RAP1GAP: variants seen among roughly 807,000 people sequenced by gnomAD.
RAP1GAP encodes the protein rap1 GTPase-activating protein 1.
Under a neutral mutation model 87.2 loss-of-function variants are expected in RAP1GAP, and 35 were observed. That is an observed-to-expected ratio of 0.40 (90% CI 0.31 to 0.53). The LOEUF (loss-of-function observed/expected upper bound fraction) is 0.53. Among genes scored for constraint, RAP1GAP ranks in the 20% least tolerant of loss-of-function variants. The pLI is 0.48. For synonymous variants in RAP1GAP, 375 were observed against 363.9 expected, an observed-to-expected ratio of 1.03 and a Z score of -0.35; for missense variants, 734 against 898.9, an observed-to-expected ratio of 0.82 and a Z score of 2.35.
intron 1 of RAP1GAP, among the ~76,000 whole-genome samples, chr1:21,660,339 C>CTATTTATATATATATATATATATATA (rs563814821): frequency 0.017 from 906 of 52,484 alleles, 68 homozygotes; most frequent in Admixed American, 0.071. Context: ...TCCAACTCAG[C>CTATTTATATATATATATATATATATA]TATATATATT....
chr1:21,609,480 A>C lies in RAP1GAP; in HGVS notation c.1071+95T>G, dbSNP rs1322325183. 1.4e-6 allele frequency: 1 copy of C among 704,156 alleles called. No individual in the cohort carries two copies. Among genetic ancestry groups the C allele is most frequent in the East Asian group, 3.0e-5 (1 of 33,194 alleles). The allele number at this position is 704,156 out of a possible 1,614,324, so 43.6% of individuals were successfully genotyped here. On this transcript the variant is annotated intron_variant, in intron 15 of 24. Transcript: ENST00000374765. The surrounding 1 kb of genome is among the most constrained non-coding windows in gnomAD (Gnocchi z 4.4). ...AGCCCAGCTGCCCTGGCATACAATG[A>C]GACTTTGGGACCTCATAAGGCAGAA...
In RAP1GAP at chr1:21,622,479, CCG is replaced by C. The variant is rs1288504092; in HGVS notation, c.-18-2431_-18-2430del. 6.2e-6 allele frequency: 1 copy of C among 160,776 alleles called. No individual in the cohort carries two copies. The highest frequency in any genetic ancestry group is 1.3e-5 in the Non-Finnish European group (1 of 75,786). 10.0% of individuals were successfully genotyped at this position (160,776 alleles called of 1,614,324 possible). On this transcript the variant is annotated intron_variant, in intron 3 of 24. Coordinates refer to ENST00000374765, the MANE Select transcript of RAP1GAP (RefSeq NM_002885.4). The surrounding 1 kb of genome is among the most constrained non-coding windows in gnomAD (Gnocchi z 5.7). Reference sequence around the variant, plus strand: ...TCAGCTGGCCCAGCCGGCTCCTGGCCCGCGCGCGCCCGGGTCCGGGCCCCGCA... The same window carrying C: ...TCAGCTGGCCCAGCCGGCTCCTGGCCCGCGCGCCCGGGTCCGGGCCCCGCA...
In RAP1GAP at chr1:21,613,284, G is replaced by C; in HGVS notation, c.475-55C>G. On this transcript the variant is annotated intron_variant, in intron 9 of 24. Coordinates refer to ENST00000374765, the MANE Select transcript of RAP1GAP (RefSeq NM_002885.4). The surrounding 1 kb of genome is among the most constrained non-coding windows in gnomAD (Gnocchi z 4.7). Reference sequence around the variant, plus strand: ...GGTGTGGGGCCAGGGAGGAGAGGATGGGGCTGCCTGGGCCTCCCTGGTCAA... The same window carrying C: ...GGTGTGGGGCCAGGGAGGAGAGGATCGGGCTGCCTGGGCCTCCCTGGTCAA... 4.2e-6 allele frequency: 6 copies of C among 1,431,580 alleles called. No individual in the cohort carries two copies. Among genetic ancestry groups the C allele is most frequent in the African/African-American group, 1.4e-5 (1 of 71,112 alleles). 88.7% of individuals were successfully genotyped at this position (1,431,580 alleles called of 1,614,324 possible).
chr1:21,607,991 CT>C (rs1448758766), intron 17 of RAP1GAP, among the ~76,000 whole-genome samples: 1 of 151,920 alleles, frequency 6.6e-6, no homozygotes, highest in Non-Finnish European at 1.5e-5. Flanking sequence ...CAGTCCGGGA[CT>C]TCGCCCCAGC....
Position 21,614,018 on chromosome 1 carries a change from G to A in RAP1GAP, c.363C>T (p.Ile121=), listed in dbSNP as rs373093872. The A allele has an allele frequency of 1.6e-5, 25 of 1,612,372 alleles. No individual in the cohort carries two copies. Among genetic ancestry groups the A allele is most frequent in the Middle Eastern group, 1.6e-4 (1 of 6,080 alleles). ...HLVFSLKYDV[I]GDQEHLRLLL... ...GCAGCCGCAGGTGCTCTTGGTCCCC[G>A]ATGACATCGTACTTGAGTGAGAAGA... The change falls in exon 8 of 25, where the codon ATC becomes ATT. Residue 121 remains isoleucine (I), a synonymous_variant. Transcript: ENST00000374765.
intron 2 of RAP1GAP, among the ~76,000 whole-genome samples, chr1:21,635,292 C>G (rs1293159658): frequency 2.0e-5 from 3 of 152,192 alleles, no homozygotes; most frequent in Non-Finnish European, 4.4e-5. Flanking sequence ...CCCTCCCCAG[C>G]CTCCGCAGCC....
In RAP1GAP at chr1:21,635,494, A is replaced by G. The variant is rs138041638; in HGVS notation, c.-112-9097T>C. Among the ~76,000 whole-genome samples, 67 of 152,312 alleles carry G rather than the reference A, an allele frequency of 4.4e-4. 1 individual carries two copies. Among genetic ancestry groups the G allele is most frequent in the African/African-American group, 1.6e-3 (67 of 41,564 alleles). On this transcript the variant is annotated intron_variant, in intron 2 of 24. Transcript: ENST00000374765. ...AGAGTGGGGTGAACCAGGCCTCCCC[A>G]GTCCCAAAGCAGAGCCCCAAAGATA...
At chr1:21,597,825 G>C in intron 23 of RAP1GAP, 97 bp from the exon 24 acceptor site, 1 of 1,543,282 alleles carries the variant, frequency 6.5e-7, no homozygotes, top group Non-Finnish European at 8.9e-7. Context: ...TGTCCAGGCC[G>C]GGCAAGCCCC....
chr1:21,653,582 T>C (rs528926847), intron 1 of RAP1GAP, among the ~76,000 whole-genome samples: 1 of 132,018 alleles, frequency 7.6e-6, no homozygotes, highest in African/African-American at 2.9e-5. Flanking sequence ...CTTCCTTCCT[T>C]CCTTCCTTCC....
At chr1:21,633,388 C>T (rs1558791559) in intron 2 of RAP1GAP, among the ~76,000 whole-genome samples, 1 of 152,220 alleles carries the variant, frequency 6.6e-6, no homozygotes, top group Non-Finnish European at 1.5e-5. Flanking sequence ...TCACAGGCAC[C>T]CCCCCTCTGC....
Position 21,603,956 on chromosome 1 carries a change from A to T in RAP1GAP, c.1429-1043T>A. On this transcript the variant is annotated intron_variant, in intron 18 of 24. Transcript: ENST00000374765. The surrounding 1 kb of genome is among the most constrained non-coding windows in gnomAD (Gnocchi z 6.0). ...CGGGGGCAGAGAGAGAGAGACAGAG[A>T]GAGAGTCAGAGAGCAAGAGAGATGG... 1 of 1,384,654 alleles carries T rather than the reference A, an allele frequency of 7.2e-7. No individual in the cohort carries two copies. The allele number at this position is 1,384,654 out of a possible 1,614,324, so 85.8% of individuals were successfully genotyped here.
chr1:21,648,001 C>A (rs911919739), intron 2 of RAP1GAP, among the ~76,000 whole-genome samples: 1 of 152,162 alleles, frequency 6.6e-6, no homozygotes, highest in Non-Finnish European at 1.5e-5. Flanking sequence ...GCCAGGAGAT[C>A]ATGATTAATG....
At chr1:21,651,640 G>A (rs2096572700) in intron 1 of RAP1GAP, 6 of 873,982 alleles carry the variant, frequency 6.9e-6, no homozygotes, top group Non-Finnish European at 1.1e-5. Flanking sequence ...CGCGCACTGA[G>A]GTCAAACGCT....
chr1:21,618,751 G>A (rs2084154332), intron 5 of RAP1GAP, among the ~76,000 whole-genome samples: 1 of 152,136 alleles, frequency 6.6e-6, no homozygotes, highest in Non-Finnish European at 1.5e-5. Flanking sequence ...GAGGCAGGGG[G>A]AGTCTGCAGC....
chr1:21,609,465 C>T lies in RAP1GAP; in HGVS notation c.1071+110G>A, dbSNP rs2076866140. 1.6e-6 allele frequency: 1 copy of T among 619,676 alleles called. No individual in the cohort carries two copies. The highest frequency in any genetic ancestry group is 1.9e-5 in the African/African-American group (1 of 53,030). 38.4% of individuals were successfully genotyped at this position (619,676 alleles called of 1,614,324 possible). A position where few individuals can be genotyped will look rare whatever the true frequency, so the allele number is the denominator to read the frequency against. On this transcript the variant is annotated intron_variant, in intron 15 of 24. Transcript: ENST00000374765. This position sits in a 1 kb window ranked among gnomAD's most constrained non-coding sequence, Gnocchi z 4.4. ...GGTTGCAGTTAGGGGAGCCCAGCTG[C>T]CCTGGCATACAATGAGACTTTGGGA...
Position 21,622,345 on chromosome 1 carries a change from G to C in RAP1GAP, c.-18-2295C>G, listed in dbSNP as rs2088709020. The C allele has an allele frequency of 4.2e-6, 2 of 475,580 alleles. No homozygotes were observed. Among genetic ancestry groups the C allele is most frequent in the East Asian group, 3.7e-5 (1 of 27,254 alleles). 29.5% of individuals were successfully genotyped at this position (475,580 alleles called of 1,614,324 possible). A position where few individuals can be genotyped will look rare whatever the true frequency, so the allele number is the denominator to read the frequency against. ...GCCCCGCCCGGGTCCTCACCTGCCA[G>C]CTGGCCCCCGCGGGCAGCGAGCCCC... On this transcript the variant is annotated intron_variant, in intron 3 of 24. Transcript: ENST00000374765. The surrounding 1 kb of genome is among the most constrained non-coding windows in gnomAD (Gnocchi z 5.7).
intron 1 of RAP1GAP, among the ~76,000 whole-genome samples, chr1:21,656,443 A>AC (rs2096868055): frequency 7.4e-6 from 1 of 134,556 alleles, no homozygotes; most frequent in African/African-American, 2.8e-5. Context: ...AAAAAAAAAA[A>AC]AAAAAAAAAA....
At position 21,611,516 on chromosome 1, in the gene RAP1GAP, C is replaced by T. The variant is rs200928724; in HGVS notation, c.779G>A (p.Arg260His). 93 of 1,614,030 alleles carry T rather than the reference C, an allele frequency of 5.8e-5. No individual in the cohort carries two copies. The highest frequency in any genetic ancestry group is 6.8e-5 in the Non-Finnish European group (80 of 1,180,040). ...CACGTGAAACATGATCTCCTTGTTG[C>T]GGAAGTTGCAGTACACAGATTCGGT... Reference protein sequence around the residue: ...TGTESVYCNFRNKEIMFHVST... With the variant: ...TGTESVYCNFHNKEIMFHVST... Residue 260 changes from arginine to histidine, a missense_variant, in exon 13 of 25, where the codon CGC becomes CAC. Coordinates refer to ENST00000374765, the MANE Select transcript of RAP1GAP (RefSeq NM_002885.4).
rs1398457978 is a variant in RAP1GAP, at chr1:21,628,131, T to C, written c.-112-1734A>G. ...GAATGACTGAATGAATGAATGAAGG[T>C]TGGGAGTCACTGAAGGGTTGTGAGC... On this transcript the variant is annotated intron_variant, in intron 2 of 24. Transcript: ENST00000374765. 2.0e-5 allele frequency among the ~76,000 whole-genome samples: 3 copies of C among 152,034 alleles called. No individual in the cohort carries two copies. The East Asian group carries it at 5.8e-4, about 29-fold the overall frequency.
Sources: gnomAD v4.1 joint callset for allele counts (sites outside exome capture counted in the v4.1 genomes callset) on GRCh38, gnomAD v4.1.1 for gene constraint, Gnocchi (gnomAD v3.1) non-coding constraint, MANE v1.5 for transcripts, NCBI Gene and HGNC (gene_info 2026-07-23, HGNC 2026-07-21) for gene names.